DNAH10: variants seen among roughly 807,000 people sequenced by gnomAD.
DNAH10 encodes dynein axonemal heavy chain 10.
In DNAH10, 348 loss-of-function variants were observed where a neutral mutation model predicts 506.6. The observed-to-expected ratio is 0.69, with a 90% CI of 0.63 to 0.75. The LOEUF is 0.75. Among genes scored for constraint, DNAH10 ranks in the 30% least tolerant of loss-of-function variants. DNAH10 has a pLI of 0.00. For synonymous variants in DNAH10, 2,059 were observed against 2,198.6 expected (o/e 0.94, Z 1.78); for missense variants, 5,179 against 5,787.1 (o/e 0.89, Z 3.41).
intron 65 of DNAH10, among the ~76,000 whole-genome samples, chr12:123,921,497 A>G (rs974416776): frequency 6.6e-6 from 1 of 152,080 alleles, no homozygotes; most frequent in African/African-American, 2.4e-5. Flanking sequence ...CGGCTTGTCA[A>G]ACAAGCTGTC....
At chr12:123,929,239 G>A (rs1404666504) in intron 70 of DNAH10, 36 bp from the exon 71 acceptor site, 19 of 1,552,812 alleles carry the variant, frequency 1.2e-5, no homozygotes, top group Admixed American at 5.8e-5. Context: ...GTGGGCCTGC[G>A]GTCTCCATCA....
At chr12:123,888,368 G>A (rs1449978551) in intron 52 of DNAH10, among the ~76,000 whole-genome samples, 1 of 152,168 alleles carries the variant, frequency 6.6e-6, no homozygotes, top group Non-Finnish European at 1.5e-5. Context: ...TCTTGAGAAC[G>A]AGACCTTTGT....
chr12:123,796,195 G>A (rs955574858), intron 12 of DNAH10, among the ~76,000 whole-genome samples: 1 of 152,228 alleles, frequency 6.6e-6, no homozygotes, highest in East Asian at 1.9e-4. Flanking sequence ...GGTGGCTCAC[G>A]CCTGTCCTCG....
In DNAH10 at chr12:123,853,975, C is replaced by A. The variant is rs1951287919; in HGVS notation, c.6438+623C>A. 6.7e-6 allele frequency among the ~76,000 whole-genome samples: 1 copy of A among 150,134 alleles called. No homozygotes were observed. Among genetic ancestry groups the A allele is most frequent in the South Asian group, 2.1e-4 (1 of 4,764 alleles). On this transcript the variant is annotated intron_variant, in intron 36 of 78. Transcript: ENST00000673944. The surrounding 1 kb of genome is among the most constrained non-coding windows in gnomAD (Gnocchi z 4.7). ...ACACATTTGGGTAGTAAAAAAAAAACAGCCGTGAGTGCAGTGATAGAAGCC... is the reference window on the plus strand; with the variant it reads ...ACACATTTGGGTAGTAAAAAAAAAAAAGCCGTGAGTGCAGTGATAGAAGCC...
Position 123,909,676 on chromosome 12 carries a change from C to G in DNAH10, c.9997+234C>G, listed in dbSNP as rs555535870. The stretch of plus-strand genomic sequence containing the variant: ...GCGGCAGCCGTGCCCACTGAGGGTT[C>G]GATTCGGCACTAGTCCTAGCTCTCC... On this transcript the variant is annotated intron_variant, in intron 58 of 78. Transcript: ENST00000673944. The surrounding 1 kb of genome is among the most constrained non-coding windows in gnomAD (Gnocchi z 5.4). Among the ~76,000 whole-genome samples the G allele has an allele frequency of 1.3e-5, 2 of 152,198 alleles. No homozygotes were observed. The highest frequency in any genetic ancestry group is 1.3e-4 in the Admixed American group (2 of 15,286).
chr12:123,916,328 TC>T lies in DNAH10; in HGVS notation c.10723-128del. On this transcript the variant is annotated intron_variant, in intron 62 of 78. Transcript: ENST00000673944. This position sits in a 1 kb window ranked among gnomAD's most constrained non-coding sequence, Gnocchi z 4.6. ...TGCGTTATACCCCTTGCTTCTCTCT[TC>T]TTTTCACCTCTGGCCCCCTCCAAGT... 8.1e-7 allele frequency: 1 copy of T among 1,229,328 alleles called. No homozygotes were observed. Among genetic ancestry groups the T allele is most frequent in the Non-Finnish European group, 1.1e-6 (1 of 882,568 alleles). The allele number at this position is 1,229,328 out of a possible 1,614,324, so 76.2% of individuals were successfully genotyped here.
chr12:123,811,303 GT>G lies in DNAH10; in HGVS notation c.3145-1859del, dbSNP rs531359355. ...TGGCAATCAGTAGCTCTGAATAAAT[GT>G]TAGCTATTAGTATTAGTATTACTTT... On this transcript the variant is annotated intron_variant, in intron 19 of 78. Transcript: ENST00000673944. Among the ~76,000 whole-genome samples the G allele has an allele frequency of 2.8e-4, 43 of 151,688 alleles. No individual in the cohort carries two copies. In the East Asian group the frequency reaches 6.6e-3, roughly 23 times the overall value.
rs1286658681 is a variant in DNAH10 at position 123,926,600 on chromosome 12, T to G, written c.11922-37T>G. ...ACCAGCCCCTGGTCTGGAGCTGTCCTCGCGGGAGAGTTTTCTGACTGTGTT... is the reference window on the plus strand; with the variant it reads ...ACCAGCCCCTGGTCTGGAGCTGTCCGCGCGGGAGAGTTTTCTGACTGTGTT... On this transcript the variant is annotated intron_variant, in intron 68 of 78. Transcript: ENST00000673944. The surrounding 1 kb of genome is among the most constrained non-coding windows in gnomAD (Gnocchi z 4.1). The G allele has an allele frequency of 1.3e-6, 2 of 1,599,774 alleles. No individual in the cohort carries two copies. The highest frequency in any genetic ancestry group is 2.2e-5 in the East Asian group (1 of 44,684).
chr12:123,877,658 G>T (rs1952314815), intron 47 of DNAH10, 78 bp from the exon 48 acceptor site: 3 of 1,501,286 alleles, frequency 2.0e-6, no homozygotes, highest in African/African-American at 2.8e-5. Context: ...CCATTGTACG[G>T]CTCTGCCACA....
chr12:123,794,556 T>A (rs1221935114), intron 12 of DNAH10, among the ~76,000 whole-genome samples: 3 of 152,100 alleles, frequency 2.0e-5, no homozygotes, highest in Non-Finnish European at 4.4e-5. Context: ...CAAAAAATGC[T>A]TATAATCTGC....
rs1951103655 is a variant in DNAH10, at chr12:123,850,196, T to C, written c.6103-692T>C. ...GCCTCCTAACAACAAAAATTTTCTGTCCTCTGCCTGGCTGGTGGACAATCA... is the reference window on the plus strand; with the variant it reads ...GCCTCCTAACAACAAAAATTTTCTGCCCTCTGCCTGGCTGGTGGACAATCA... On this transcript the variant is annotated intron_variant, in intron 34 of 78. Coordinates refer to ENST00000673944, the MANE Select transcript of DNAH10 (RefSeq NM_001372106.1). The surrounding 1 kb of genome is among the most constrained non-coding windows in gnomAD (Gnocchi z 5.5). 6.6e-6 allele frequency among the ~76,000 whole-genome samples: 1 copy of C among 151,040 alleles called. No homozygotes were observed. The highest frequency in any genetic ancestry group is 1.5e-5 in the Non-Finnish European group (1 of 67,874).
At position 123,863,749 on chromosome 12, in the gene DNAH10, T is replaced by C. The variant is rs553455891; in HGVS notation, c.6909-846T>C. ...CCTTAATTGCGTTTGCAAAGGCCTT[T>C]CTCCAAACAAGGTCACAGTCACAGC... On this transcript the variant is annotated intron_variant, in intron 39 of 78. Coordinates refer to ENST00000673944, the MANE Select transcript of DNAH10 (RefSeq NM_001372106.1). Among the ~76,000 whole-genome samples the C allele has an allele frequency of 4.3e-4, 66 of 152,334 alleles. 1 individual carries two copies. The South Asian group carries it at 8.9e-3, about 21-fold the overall frequency.
intron 7 of DNAH10, 40 bp from the exon 8 acceptor site, chr12:123,783,907 T>C: frequency 6.4e-7 from 1 of 1,572,798 alleles, no homozygotes; most frequent in Non-Finnish European, 8.7e-7. Context: ...TGCTCCACCC[T>C]AATAATGAGA....
chr12:123,826,384 A>G (rs1489048899), intron 24 of DNAH10, among the ~76,000 whole-genome samples: 1 of 152,220 alleles, frequency 6.6e-6, no homozygotes. Context: ...TCCCTGATTT[A>G]AAAAACACCT....
chr12:123,783,610 G>C (rs1957743257), intron 7 of DNAH10, among the ~76,000 whole-genome samples: 1 of 152,224 alleles, frequency 6.6e-6, no homozygotes, highest in Non-Finnish European at 1.5e-5. Flanking sequence ...GGTCCAGTCT[G>C]ATCAGGGCTC....
Position 123,787,875 on chromosome 12 carries a change from A to C in DNAH10, c.1493A>C (p.Tyr498Ser), listed in dbSNP as rs1452207029. The stretch of plus-strand genomic sequence containing the variant: ...ACCCTCAGGCTGTGGAAAAAGGCCT[A>C]TTTTGACACCCGGGCCAAGATAGAG... Reference protein sequence around the residue: ...RNTLRLWKKAYFDTRAKIEAS... With the variant: ...RNTLRLWKKASFDTRAKIEAS... The change falls in exon 10 of 79, where the codon TAT becomes TCT. Residue 498 changes from tyrosine (Y) to serine (S), a missense_variant. Coordinates refer to ENST00000673944, the MANE Select transcript of DNAH10 (RefSeq NM_001372106.1). This position sits in a 1 kb window ranked among gnomAD's most constrained non-coding sequence, Gnocchi z 4.6. The C allele has an allele frequency of 1.2e-6, 2 of 1,613,876 alleles. No homozygotes were observed. The highest frequency in any genetic ancestry group is 8.5e-7 in the Non-Finnish European group (1 of 1,179,996).
At chr12:123,910,454 A>G in intron 58 of DNAH10, 82 bp from the exon 59 acceptor site, 3 of 1,525,488 alleles carry the variant, frequency 2.0e-6, no homozygotes, top group Non-Finnish European at 2.7e-6. Flanking sequence ...AGAATAAGAA[A>G]CTAGTTATGC....
chr12:123,867,666 TTTTAAA>T, intron 42 of DNAH10, 65 bp downstream of exon 42: 1 of 1,596,268 alleles, frequency 6.3e-7, no homozygotes, highest in Non-Finnish European at 8.5e-7. Context: ...CACGGTAGGG[TTTTAAA>T]GGGAGTGAAG....
intron 12 of DNAH10, among the ~76,000 whole-genome samples, chr12:123,794,763 C>G (rs1360081125): frequency 6.6e-6 from 1 of 151,546 alleles, no homozygotes; most frequent in East Asian, 1.9e-4. Context: ...GGAGAATCAC[C>G]TGGGCCAATG....
Sources: allele counts gnomAD v4.1 joint callset (sites outside exome capture counted in the v4.1 genomes callset), GRCh38; gene constraint gnomAD v4.1.1; non-coding constraint Gnocchi (gnomAD v3.1); transcripts MANE v1.5; gene names NCBI Gene and HGNC (gene_info 2026-07-23, HGNC 2026-07-21).